The following MXI1 variants were observed in gnomAD, a reference collection of about 807,000 sequenced individuals.
The protein encoded by MXI1 is max-interacting protein 1.
MXI1 carries 18 observed loss-of-function variants against 36.9 expected under a neutral mutation model. The observed-to-expected ratio is 0.49, with a 90% CI of 0.34 to 0.72. The LOEUF (loss-of-function observed/expected upper bound fraction) is 0.72. Among genes scored for constraint, MXI1 ranks in the 30% least tolerant of loss-of-function variants. The pLI is 0.01. For synonymous variants in MXI1, 160 were observed against 146.7 expected (o/e 1.09, Z -0.65); for missense variants, 304 against 379.1 (o/e 0.80, Z 1.64).
rs200832164 is a variant in MXI1, at chr10:110,217,013, TG to T, written c.274+8932del. On this transcript the variant is annotated intron_variant, in intron 1 of 5. Coordinates refer to ENST00000332674, the MANE Select transcript of MXI1 (RefSeq NM_130439.3). ...TGTTTGTCCTTGTAATTTCTACAGA[TG>T]TTTTTTTTTTCTTTCACTGCCTGAG... is the stretch of plus-strand genomic sequence containing the variant. 1.1e-3 allele frequency among the ~76,000 whole-genome samples: 172 copies of T among 152,124 alleles called. 4 individuals carry two copies. The East Asian group carries it at 0.025, about 23-fold the overall frequency.
intron 2 of MXI1, among the ~76,000 whole-genome samples, chr10:110,239,935 A>C (rs1431257552): frequency 6.6e-6 from 1 of 151,082 alleles, no homozygotes; most frequent in Non-Finnish European, 1.5e-5. Flanking sequence ...CTGCAATTCC[A>C]ACTTTTTTTT....
At chr10:110,270,315 C>T (rs1007621448) in intron 3 of MXI1, among the ~76,000 whole-genome samples, 1 of 152,128 alleles carries the variant, frequency 6.6e-6, no homozygotes, top group Non-Finnish European at 1.5e-5. Flanking sequence ...GGGAAGTATG[C>T]ATAGAAACTA....
intron 3 of MXI1, among the ~76,000 whole-genome samples, chr10:110,245,188 A>G (rs1201968179): frequency 6.6e-6 from 1 of 152,176 alleles, no homozygotes; most frequent in Non-Finnish European, 1.5e-5. Context: ...AGAGTAGGTA[A>G]TAAGCATTAC....
At chr10:110,237,935 T>A (rs1380599421) in intron 2 of MXI1, among the ~76,000 whole-genome samples, 1 of 152,144 alleles carries the variant, frequency 6.6e-6, no homozygotes, top group Non-Finnish European at 1.5e-5. Flanking sequence ...CGCTACAATG[T>A]CCAGCTGTTA....
chr10:110,249,264 C>T (rs1156462227), intron 3 of MXI1, among the ~76,000 whole-genome samples: 3 of 152,026 alleles, frequency 2.0e-5, no homozygotes, highest in African/African-American at 7.2e-5. Context: ...AATTCATATT[C>T]CTTAAAATTT....
chr10:110,237,848 C>G (rs1855526560), intron 2 of MXI1, among the ~76,000 whole-genome samples: 1 of 152,184 alleles, frequency 6.6e-6, no homozygotes, highest in Non-Finnish European at 1.5e-5. Context: ...AGATCAAAGC[C>G]CACTGCAACC....
At chr10:110,276,839 TTTTC>T (rs1417867692) in intron 3 of MXI1, among the ~76,000 whole-genome samples, 1 of 151,410 alleles carries the variant, frequency 6.6e-6, no homozygotes, top group Non-Finnish European at 1.5e-5. Context: ...CTTTCTTTTC[TTTTC>T]TTTTTTTTTT....
chr10:110,258,930 G>A (rs1307551122), intron 3 of MXI1, among the ~76,000 whole-genome samples: 2 of 90,134 alleles, frequency 2.2e-5, no homozygotes, highest in African/African-American at 1.4e-4. Context: ...GACAAAGACT[G>A]AATTGTAGGA....
intron 5 of MXI1, among the ~76,000 whole-genome samples, chr10:110,282,809 TTTG>T (rs963526066): frequency 1.3e-5 from 2 of 152,164 alleles, no homozygotes; most frequent in African/African-American, 4.8e-5. Flanking sequence ...CTCATTTTAC[TTTG>T]TTTTTTTGGG....
At chr10:110,268,997 C>G (rs1275920458) in intron 3 of MXI1, among the ~76,000 whole-genome samples, 4 of 152,090 alleles carry the variant, frequency 2.6e-5, no homozygotes, top group Non-Finnish European at 5.9e-5. Flanking sequence ...TCTTTGTTAC[C>G]CTTTTTCTAC....
chr10:110,216,083 C>T (rs778904247), intron 1 of MXI1, among the ~76,000 whole-genome samples: 15 of 152,224 alleles, frequency 9.9e-5, no homozygotes, highest in Non-Finnish European at 1.9e-4. Flanking sequence ...TTGCCATCAT[C>T]ATGCTGAGCA....
intron 3 of MXI1, among the ~76,000 whole-genome samples, chr10:110,252,503 A>T (rs1410889453): frequency 6.6e-6 from 1 of 152,076 alleles, no homozygotes; most frequent in Non-Finnish European, 1.5e-5. Flanking sequence ...GTTCTTCATC[A>T]TTATTTAGTT....
chr10:110,230,840 A>G (rs1855231621), intron 2 of MXI1, among the ~76,000 whole-genome samples: 1 of 152,228 alleles, frequency 6.6e-6, no homozygotes, highest in African/African-American at 2.4e-5. Context: ...CCATGTATTT[A>G]TCATCTGAAA....
intron 1 of MXI1, chr10:110,227,774 G>GAC (rs1855113409): frequency 5.2e-6 from 1 of 192,694 alleles, no homozygotes; most frequent in Admixed American, 5.3e-5. Context: ...GTCTTTCTAA[G>GAC]ACTTGTTCGA....
chr10:110,266,139 G>C (rs972067241), intron 3 of MXI1, among the ~76,000 whole-genome samples: 1 of 150,336 alleles, frequency 6.7e-6, no homozygotes, highest in African/African-American at 2.4e-5. Flanking sequence ...ACAGAGTCTC[G>C]CTCAGTTGCC....
At chr10:110,256,094 G>T (rs1185712822) in intron 3 of MXI1, among the ~76,000 whole-genome samples, 1 of 152,046 alleles carries the variant, frequency 6.6e-6, no homozygotes, top group Non-Finnish European at 1.5e-5. Context: ...GACACAACTG[G>T]ATACCTACAT....
At chr10:110,248,068 C>A (rs1221237874) in intron 3 of MXI1, among the ~76,000 whole-genome samples, 1 of 152,122 alleles carries the variant, frequency 6.6e-6, no homozygotes, top group Non-Finnish European at 1.5e-5. Flanking sequence ...AGCTGGAAAC[C>A]ATCATTCTCA....
intron 3 of MXI1, among the ~76,000 whole-genome samples, chr10:110,253,904 A>G (rs1190980103): frequency 1.3e-5 from 2 of 152,126 alleles, no homozygotes; most frequent in African/African-American, 2.4e-5. Context: ...TGTAATGGTG[A>G]AAAACTGAAT....
chr10:110,238,927 G>A (rs1855567175), intron 2 of MXI1, among the ~76,000 whole-genome samples: 1 of 152,120 alleles, frequency 6.6e-6, no homozygotes, highest in African/African-American at 2.4e-5. Context: ...CTGTAATGAT[G>A]TACACTCTTG....
Sources: allele counts gnomAD v4.1 joint callset (sites outside exome capture counted in the v4.1 genomes callset), GRCh38; gene constraint gnomAD v4.1.1; transcripts MANE v1.5; gene names NCBI Gene and HGNC (gene_info 2026-07-23, HGNC 2026-07-21).